The following CPS1 variants were observed in gnomAD, a reference collection of about 807,000 sequenced individuals.
The protein encoded by CPS1 is carbamoyl-phosphate synthase [ammonia], mitochondrial.
CPS1 carries 109 observed loss-of-function variants against 174.6 expected under a neutral mutation model. That is an observed-to-expected ratio of 0.62 (90% CI 0.53 to 0.73). The LOEUF (loss-of-function observed/expected upper bound fraction) is 0.73. CPS1 is among the 30% of genes least tolerant of loss of function. The probability of loss-of-function intolerance (pLI) is 0.00; values close to 1 mark genes in which losing one functional copy is unlikely to be tolerated. For missense variants in CPS1, 1,689 were observed against 1,821.9 expected, an observed-to-expected ratio of 0.93 and a Z score of 1.33; for synonymous variants, 637 against 632.0, an observed-to-expected ratio of 1.01 and a Z score of -0.12.
chr2:210,596,845 A>G (rs1273284832), intron 13 of CPS1, among the ~76,000 whole-genome samples: 1 of 151,894 alleles, frequency 6.6e-6, no homozygotes, highest in East Asian at 1.9e-4. Context: ...TCAATTGGGT[A>G]AAGTTATATA....
chr2:210,553,353 A>G (rs1400766594), upstream of CPS1, among the ~76,000 whole-genome samples: 4 of 152,024 alleles, frequency 2.6e-5, no homozygotes, highest in Non-Finnish European at 4.4e-5. Context: ...ACAACCTAGT[A>G]CTTGACATTT....
chr2:210,660,367 C>A, intron 31 of CPS1, 118 bp from the exon 32 acceptor site: 1 of 1,006,138 alleles, frequency 9.9e-7, no homozygotes, highest in Middle Eastern at 2.5e-4. Flanking sequence ...ACAAGATTAG[C>A]AAAACAAGAG....
chr2:210,677,221 C>G, intron 37 of CPS1, 85 bp downstream of exon 37: 2 of 1,261,240 alleles, frequency 1.6e-6, no homozygotes, highest in Non-Finnish European at 2.3e-6. Flanking sequence ...ATGCACATCT[C>G]TCTTTTCCCC....
At position 210,658,345 on chromosome 2, in the gene CPS1, T is replaced by C. The variant is rs191208274; in HGVS notation, c.3667-254T>C. On this transcript the variant is annotated intron_variant, in intron 30 of 37. Transcript: ENST00000233072. ...ACCAGGTTATATAATTGTAGGTAGA[T>C]AGGGGAATTTGGCAGAGAGATAATC... is the stretch of plus-strand genomic sequence containing the variant. 478 of 414,578 alleles carry C rather than the reference T, an allele frequency of 1.2e-3. 2 individuals are homozygous for C. The highest frequency in any genetic ancestry group is 9.5e-3 in the Middle Eastern group (13 of 1,368). The allele number at this position is 414,578 out of a possible 1,614,324, so 25.7% of individuals were successfully genotyped here.
chr2:210,674,301 CT>C (rs1701430349), intron 34 of CPS1: 1 of 152,328 alleles, frequency 6.6e-6, no homozygotes, highest in Non-Finnish European at 1.5e-5. Flanking sequence ...TGGAGAAACC[CT>C]GTCTCTACTA....
intron 2 of CPS1, among the ~76,000 whole-genome samples, chr2:210,574,433 T>G (rs1697618010): frequency 2.0e-5 from 3 of 152,106 alleles, no homozygotes; most frequent in Non-Finnish European, 2.9e-5. Flanking sequence ...ATTTATATTC[T>G]TTCTTAAACT....
intron 1 of CPS1, among the ~76,000 whole-genome samples, chr2:210,492,705 C>A (rs1694903478): frequency 6.6e-6 from 1 of 151,970 alleles, no homozygotes; most frequent in South Asian, 2.1e-4. Context: ...GTTTATATTG[C>A]AGGGGTTCTT....
intron 1 of CPS1, among the ~76,000 whole-genome samples, chr2:210,515,007 T>C (rs1250183537): frequency 6.6e-6 from 1 of 151,850 alleles, no homozygotes; most frequent in Non-Finnish European, 1.5e-5. Flanking sequence ...TTTATTGATA[T>C]GTGTATGTTG....
At chr2:210,589,471 A>C (rs2106106291) in intron 7 of CPS1, among the ~76,000 whole-genome samples, 1 of 152,192 alleles carries the variant, frequency 6.6e-6, no homozygotes, top group South Asian at 2.1e-4. Context: ...AGACTGAAAA[A>C]GGTCTGACGT....
At chr2:210,552,630 AT>A (rs902950170), upstream of CPS1, among the ~76,000 whole-genome samples, 6 of 146,910 alleles carry the variant, frequency 4.1e-5, no homozygotes, top group East Asian at 4.0e-4. Context: ...TCCTGTTCTC[AT>A]TTTTTTTTTC....
In CPS1 at chr2:210,542,510, C is replaced by T. The variant is rs1310911812; in HGVS notation, c.4-14209C>T. Among the ~76,000 whole-genome samples, 4 of 152,088 alleles carry T rather than the reference C, an allele frequency of 2.6e-5. No individual in the cohort carries two copies. The East Asian group carries it at 5.8e-4, about 22-fold the overall frequency. On this transcript the variant is annotated intron_variant, in intron 1 of 38. Transcript: ENST00000430249. ...GTAAGAGAAGATATATTTCCTATAT[C>T]TCCTCCTACCCTCCTGTTAAAAGGG...
At chr2:210,587,196 A>G (rs1698139198) in intron 6 of CPS1, among the ~76,000 whole-genome samples, 1 of 152,120 alleles carries the variant, frequency 6.6e-6, no homozygotes. Context: ...GTGGAGAGGT[A>G]GATATTTCAG....
intron 1 of CPS1, among the ~76,000 whole-genome samples, chr2:210,498,577 G>A (rs1239323848): frequency 6.6e-6 from 1 of 152,104 alleles, no homozygotes; most frequent in Admixed American, 6.5e-5. Flanking sequence ...GGTTTTCTAG[G>A]CGTAGAATCA....
At chr2:210,654,245 A>G (rs950596054) in intron 29 of CPS1, 143 bp downstream of exon 29, 16 of 728,132 alleles carry the variant, frequency 2.2e-5, no homozygotes, top group African/African-American at 3.5e-5. Context: ...AAAAAAATCA[A>G]ATTCTCTGAC....
intron 11 of CPS1, among the ~76,000 whole-genome samples, chr2:210,593,899 A>G (rs1236883100): frequency 6.6e-6 from 1 of 151,960 alleles, no homozygotes; most frequent in African/African-American, 2.4e-5. Context: ...TAGTTTTTTA[A>G]TTTAAAATTT....
At chr2:210,588,013 CA>C in intron 6 of CPS1, 44 bp from the exon 7 acceptor site, 3 of 1,568,948 alleles carry the variant, frequency 1.9e-6, no homozygotes, top group Non-Finnish European at 2.6e-6. Context: ...GTCTGTTGCC[CA>C]TAGCTGGGAC....
Position 210,639,231 on chromosome 2 carries a change from T to G in CPS1, c.2895+16T>G, listed in dbSNP as rs1008307948. ...CAATGGTCAGGTAGGAATGGGCAAATTGGCCTATCCAGAAAGCTCTAGATT... is the reference window on the plus strand; with the variant it reads ...CAATGGTCAGGTAGGAATGGGCAAAGTGGCCTATCCAGAAAGCTCTAGATT... On this transcript the variant is annotated intron_variant, in intron 23 of 37. Coordinates refer to ENST00000233072, the MANE Select transcript of CPS1 (RefSeq NM_001875.5). 5.7e-6 allele frequency: 9 copies of G among 1,589,962 alleles called. No individual in the cohort carries two copies. The African/African-American group carries it at 1.2e-4, about 21-fold the overall frequency.
At chr2:210,504,292 A>C (rs1574473608) in intron 1 of CPS1, among the ~76,000 whole-genome samples, 1 of 152,292 alleles carries the variant, frequency 6.6e-6, no homozygotes, top group Middle Eastern at 3.4e-3. Flanking sequence ...CAACCGACCA[A>C]ACAAATAAAA....
At position 210,490,137 on chromosome 2, in the gene CPS1, G is replaced by C. The variant is rs201645645; in HGVS notation, c.3+12371G>C. On this transcript the variant is annotated intron_variant, in intron 1 of 38. Coordinates refer to the CPS1 transcript ENST00000430249. ...TACACAGCCTTGCTTCAGTTGGAGA[G>C]TGATTCAACTACTCTCAGCTTTCTC... is the stretch of plus-strand genomic sequence containing the variant. 7.9e-5 allele frequency among the ~76,000 whole-genome samples: 12 copies of C among 152,326 alleles called. No homozygotes were observed. In the East Asian group the frequency reaches 2.1e-3, roughly 27 times the overall value.
Sources: allele counts gnomAD v4.1 joint callset (sites outside exome capture counted in the v4.1 genomes callset), GRCh38; gene constraint gnomAD v4.1.1; transcripts MANE v1.5; gene names NCBI Gene and HGNC (gene_info 2026-07-23, HGNC 2026-07-21).